Variants in ADCK1 observed in about 807,000 individuals in gnomAD.
ADCK1 encodes aarF domain containing kinase 1, also known as aarF domain-containing protein kinase 1.
A neutral mutation model predicts 52.3 loss-of-function variants in ADCK1; 41 were observed. That is an observed-to-expected ratio of 0.78 (90% CI 0.61 to 1.02). The LOEUF (loss-of-function observed/expected upper bound fraction) is 1.02, where lower values mean the gene tolerates loss of function less well. ADCK1 is among the 50% of genes least tolerant of loss of function. ADCK1 has a pLI of 0.00. For missense variants in ADCK1, 658 were observed against 679.5 expected, an observed-to-expected ratio of 0.97 and a Z score of 0.35; for synonymous variants, 250 against 274.6, an observed-to-expected ratio of 0.91 and a Z score of 0.89.
chr14:77,867,096 G>A (rs1397760308), intron 4 of ADCK1, among the ~76,000 whole-genome samples: 3 of 152,332 alleles, frequency 2.0e-5, no homozygotes, highest in East Asian at 3.9e-4. Flanking sequence ...CCCTGGCTGT[G>A]CCCCTTGGAG....
chr14:77,863,798 T>C (rs1484463632), intron 4 of ADCK1, among the ~76,000 whole-genome samples: 3 of 151,864 alleles, frequency 2.0e-5, no homozygotes, highest in Non-Finnish European at 4.4e-5. Flanking sequence ...GATCAGGCTA[T>C]TGGACTCCAG....
intron 3 of ADCK1, among the ~76,000 whole-genome samples, 169 bp downstream of exon 3, chr14:77,822,687 G>C (rs1022519805): frequency 6.6e-6 from 1 of 152,264 alleles, no homozygotes; most frequent in East Asian, 1.9e-4. Context: ...GCCTAGCCAC[G>C]AAGCTTCCTG....
At chr14:77,852,692 T>TATATA (rs2082324331) in intron 3 of ADCK1, among the ~76,000 whole-genome samples, 1 of 102,572 alleles carries the variant, frequency 9.7e-6, no homozygotes, top group African/African-American at 3.8e-5. Context: ...TATATATATA[T>TATATA]ATATATATAT....
At chr14:77,858,318 A>G (rs1028116875) in intron 3 of ADCK1, among the ~76,000 whole-genome samples, 16 of 151,430 alleles carry the variant, frequency 1.1e-4, no homozygotes, top group Non-Finnish European at 2.2e-4. Context: ...GCTCACTGCA[A>G]CCTCCGCCTC....
chr14:77,866,769 G>C (rs1233146931), intron 4 of ADCK1, among the ~76,000 whole-genome samples: 1 of 152,144 alleles, frequency 6.6e-6, no homozygotes, highest in African/African-American at 2.4e-5. Flanking sequence ...GCCAGATTCA[G>C]CTTCCCTTAC....
At chr14:77,828,827 A>ACCTTTTCTTT (rs1555348750) in intron 3 of ADCK1, among the ~76,000 whole-genome samples, 26 of 151,658 alleles carry the variant, frequency 1.7e-4, no homozygotes, top group South Asian at 6.3e-4. Flanking sequence ...GCGCCCAGCC[A>ACCTTTTCTTT]TTTAATTATT....
chr14:77,887,194 A>G lies in ADCK1; in HGVS notation c.527A>G (p.Lys176Arg). ...CATGATGGGCGGACGGTGGCCGTGA[A>G]GGTCCAGCACCCAAAGGTGCGGGCT... ...VLHDGRTVAV[K>R]VQHPKVRAQS... The change falls in exon 5 of 11, where the codon AAG becomes AGG. Residue 176 changes from lysine (K) to arginine (R), a missense_variant. Lys to Arg is a conservative substitution (Grantham distance 26). Transcript: ENST00000238561. 2.5e-6 allele frequency: 4 copies of G among 1,610,980 alleles called. No individual in the cohort carries two copies. Among genetic ancestry groups the G allele is most frequent in the Non-Finnish European group, 3.4e-6 (4 of 1,178,494 alleles).
chr14:77,884,765 C>G (rs1236332833), intron 4 of ADCK1, among the ~76,000 whole-genome samples: 1 of 152,230 alleles, frequency 6.6e-6, no homozygotes, highest in Admixed American at 6.5e-5. Context: ...AGAAAAACAT[C>G]TATATCAAAC....
At chr14:77,896,252 G>A (rs1309444439) in intron 5 of ADCK1, among the ~76,000 whole-genome samples, 1 of 152,076 alleles carries the variant, frequency 6.6e-6, no homozygotes, top group Non-Finnish European at 1.5e-5. Flanking sequence ...AAAAAACAGT[G>A]ACCATACAAT....
At chr14:77,827,350 C>CAA (rs772586548) in intron 3 of ADCK1, among the ~76,000 whole-genome samples, 27 of 71,846 alleles carry the variant, frequency 3.8e-4, no homozygotes, top group Non-Finnish European at 5.6e-4. Context: ...GACTCTGTCT[C>CAA]AAAAAAAAAA....
chr14:77,906,696 G>A lies in ADCK1; in HGVS notation c.742-1107G>A, dbSNP rs1420599620. Among the ~76,000 whole-genome samples the A allele has an allele frequency of 3.3e-5, 5 of 152,258 alleles. No homozygotes were observed. In the East Asian group the frequency reaches 9.7e-4, roughly 29 times the overall value. On this transcript the variant is annotated intron_variant, in intron 6 of 10. Transcript: ENST00000238561. Reference sequence around the variant, plus strand: ...AATTTTTTTATTTTTCCTCATTGTTGCAAGATGGCTGCTACAGCACCAACA... The same window carrying A: ...AATTTTTTTATTTTTCCTCATTGTTACAAGATGGCTGCTACAGCACCAACA...
chr14:77,802,847 A>G (rs1010564687), intron 1 of ADCK1, among the ~76,000 whole-genome samples: 1 of 151,926 alleles, frequency 6.6e-6, no homozygotes, highest in African/African-American at 2.4e-5. Context: ...CCAGCTACTC[A>G]GGAGGCTGAG....
intron 3 of ADCK1, among the ~76,000 whole-genome samples, chr14:77,828,517 TC>T (rs2081768755): frequency 6.6e-6 from 1 of 152,104 alleles, no homozygotes; most frequent in East Asian, 1.9e-4. Flanking sequence ...ACCTTTCCGT[TC>T]TCCCCTAGTT....
At chr14:77,811,654 A>C (rs2081340921) in intron 1 of ADCK1, among the ~76,000 whole-genome samples, 1 of 152,170 alleles carries the variant, frequency 6.6e-6, no homozygotes, top group Admixed American at 6.6e-5. Context: ...TTGATACAAA[A>C]CAATATTAGC....
At chr14:77,888,214 C>A (rs996682226) in intron 5 of ADCK1, among the ~76,000 whole-genome samples, 1 of 152,046 alleles carries the variant, frequency 6.6e-6, no homozygotes, top group Non-Finnish European at 1.5e-5. Flanking sequence ...GGAAGGACAG[C>A]CCCGCGGGTG....
At position 77,931,588 on chromosome 14, in the gene ADCK1, G is replaced by C. The variant is rs112630340; in HGVS notation, c.1277G>C (p.Arg426Pro). ...AGCCATCTCCTCAACCACGTGCCGC[G>C]CCAGATGCTGCTCATCTTGAAGACC... ...QISHLLNHVPRQMLLILKTND... is the reference protein window; with the variant it reads ...QISHLLNHVPPQMLLILKTND... Residue 426 changes from arginine to proline, a missense_variant, in exon 10 of 11, where the codon CGC becomes CCC. Physicochemically the swap from Arg to Pro is moderately radical, Grantham distance 103 (BLOSUM62 -2). Coordinates refer to ENST00000238561, the MANE Select transcript of ADCK1 (RefSeq NM_020421.4). 1.2e-6 allele frequency: 2 copies of C among 1,613,874 alleles called. No individual in the cohort carries two copies. The highest frequency in any genetic ancestry group is 2.7e-5 in the African/African-American group (2 of 75,060).
intron 5 of ADCK1, among the ~76,000 whole-genome samples, chr14:77,898,198 T>G (rs1215705981): frequency 1.3e-5 from 2 of 152,226 alleles, no homozygotes; most frequent in Admixed American, 6.5e-5. Context: ...AGGTCAAGGT[T>G]GCAGTGAACT....
At chr14:77,853,537 T>A (rs1313752699) in intron 3 of ADCK1, among the ~76,000 whole-genome samples, 1 of 152,212 alleles carries the variant, frequency 6.6e-6, no homozygotes, top group Non-Finnish European at 1.5e-5. Flanking sequence ...TTGCTTTTAA[T>A]ATTTGTTAGA....
rs920411846 is a variant in ADCK1, at chr14:77,883,351, G to C, written c.424-3740G>C. On this transcript the variant is annotated intron_variant, in intron 4 of 10. Transcript: ENST00000238561. ...TTCTGGTAATGGTTTTCTGCTGAAA[G>C]GGCTGGGGGACGAGGCCTGATTGGA... is the stretch of plus-strand genomic sequence containing the variant. 2.0e-5 allele frequency among the ~76,000 whole-genome samples: 3 copies of C among 150,062 alleles called. No homozygotes were observed. In the East Asian group the frequency reaches 6.0e-4, roughly 30 times the overall value.
Sources: allele counts gnomAD v4.1 joint callset (sites outside exome capture counted in the v4.1 genomes callset), GRCh38; gene constraint gnomAD v4.1.1; transcripts MANE v1.5; gene names NCBI Gene and HGNC (gene_info 2026-07-23, HGNC 2026-07-21).